The following IQSEC1 variants were observed in gnomAD, a reference collection of about 807,000 sequenced individuals.
The protein encoded by IQSEC1 is IQ motif and Sec7 domain ArfGEF 1, also known as IQ motif and SEC7 domain-containing protein 1.
In IQSEC1, 31 loss-of-function variants were observed where a neutral mutation model predicts 91.0. The ratio of observed to expected loss-of-function variants is 0.34; its 90% confidence interval spans 0.26 to 0.46. The LOEUF is 0.46. Ranked by LOEUF, IQSEC1 falls within the 20% of genes least tolerant of loss-of-function variation. The probability of loss-of-function intolerance (pLI) is 1.00; values close to 1 mark genes in which losing one functional copy is unlikely to be tolerated. For missense variants in IQSEC1, 1,388 were observed against 1,575.6 expected (o/e 0.88, Z 2.02); for synonymous variants, 699 against 662.6 (o/e 1.05, Z -0.84).
At chr3:13,130,298 T>C (rs1249770114) in intron 2 of IQSEC1, among the ~76,000 whole-genome samples, 2 of 144,086 alleles carry the variant, frequency 1.4e-5, no homozygotes, top group Non-Finnish European at 3.0e-5. Context: ...GAACCGAGAT[T>C]GTGCCACTGC....
intron 2 of IQSEC1, among the ~76,000 whole-genome samples, chr3:13,116,100 T>C (rs1706329636): frequency 6.6e-6 from 1 of 152,238 alleles, no homozygotes; most frequent in South Asian, 2.1e-4. Context: ...TTGTTGCTAC[T>C]TTATCCCTGG....
At chr3:12,921,751 A>G (rs899695706) in intron 5 of IQSEC1, among the ~76,000 whole-genome samples, 1 of 152,250 alleles carries the variant, frequency 6.6e-6, no homozygotes, top group Non-Finnish European at 1.5e-5. Context: ...ATGACTAGAT[A>G]GATGGACTTG....
At chr3:13,009,150 A>G (rs1248202954) in intron 1 of IQSEC1, among the ~76,000 whole-genome samples, 1 of 152,198 alleles carries the variant, frequency 6.6e-6, no homozygotes, top group Non-Finnish European at 1.5e-5. Flanking sequence ...AGGTTTGTTC[A>G]TGTGCCTGCT....
At position 12,909,511 on chromosome 3, in the gene IQSEC1, C is replaced by T; in HGVS notation, c.2417-77G>A. 7.0e-7 allele frequency: 1 copy of T among 1,426,808 alleles called. No individual in the cohort carries two copies. Among genetic ancestry groups the T allele is most frequent in the Non-Finnish European group, 9.7e-7 (1 of 1,029,696 alleles). The allele number at this position is 1,426,808 out of a possible 1,614,324, so 88.4% of individuals were successfully genotyped here. ...TGCAATCTCCTCTCTGGTCAGGAAA[C>T]AATGGTAGGGCTGAGTTGTGCGTGA... On this transcript the variant is annotated intron_variant, in intron 10 of 13. Coordinates refer to ENST00000613206, the MANE Select transcript of IQSEC1 (RefSeq NM_001134382.3). The surrounding 1 kb of genome is among the most constrained non-coding windows in gnomAD (Gnocchi z 4.9).
intron 2 of IQSEC1, among the ~76,000 whole-genome samples, chr3:12,941,011 G>A (rs1340244390): frequency 1.3e-5 from 2 of 152,226 alleles, no homozygotes; most frequent in Non-Finnish European, 2.9e-5. Flanking sequence ...GGGGAGGGGT[G>A]CAGTCTTCAA....
At chr3:13,074,222 G>C (rs888738680), upstream of IQSEC1, among the ~76,000 whole-genome samples, 11 of 152,212 alleles carry the variant, frequency 7.2e-5, no homozygotes, top group African/African-American at 2.7e-4. Context: ...TGGTCGGGAA[G>C]GCCCTCTGTG....
In IQSEC1 at chr3:13,282,225, G is replaced by C. The variant is rs1379504985; in HGVS notation, c.272+486C>G. ...CGCGTCCCGGACTGGACACAGCGCA[G>C]AGTCCATTCCAGGGACACCGCAACC... On this transcript the variant is annotated intron_variant, in intron 1 of 15. Coordinates refer to the IQSEC1 transcript ENST00000648114. The surrounding 1 kb of genome is among the most constrained non-coding windows in gnomAD (Gnocchi z 6.4). 6.6e-6 allele frequency among the ~76,000 whole-genome samples: 1 copy of C among 152,232 alleles called. No homozygotes were observed. The highest frequency in any genetic ancestry group is 6.5e-5 in the Admixed American group (1 of 15,290).
At position 12,897,083 on chromosome 3, in the gene IQSEC1, T is replaced by C. The variant is rs1693722363; in HGVS notation, c.*3900A>G. ...CCCTTTATTTTAAATTTTGTATCAG[T>C]GTCCTCAGTCAGTCCAATGTCTTCA... On this transcript the variant is annotated 3_prime_UTR_variant, in exon 14 of 14. Coordinates refer to ENST00000613206, the MANE Select transcript of IQSEC1 (RefSeq NM_001134382.3). 6.6e-6 allele frequency: 1 copy of C among 152,248 alleles called. No individual in the cohort carries two copies. The highest frequency in any genetic ancestry group is 1.5e-5 in the Non-Finnish European group (1 of 68,046). The allele number at this position is 152,248 out of a possible 1,614,324, so 9.4% of individuals were successfully genotyped here. A position where few individuals can be genotyped will look rare whatever the true frequency, so the allele number is the denominator to read the frequency against.
chr3:13,136,121 G>A (rs1309096040), intron 2 of IQSEC1, among the ~76,000 whole-genome samples: 4 of 152,200 alleles, frequency 2.6e-5, no homozygotes, highest in Non-Finnish European at 4.4e-5. Flanking sequence ...AAGCAGGGGA[G>A]GGAGAAGACA....
At chr3:13,156,796 C>A (rs1198444151) in intron 2 of IQSEC1, among the ~76,000 whole-genome samples, 1 of 152,162 alleles carries the variant, frequency 6.6e-6, no homozygotes, top group African/African-American at 2.4e-5. Context: ...GGGGATTGGA[C>A]TGAGGAGAAC....
Position 12,900,493 on chromosome 3 carries a change from AG to A in IQSEC1, c.*489del, listed in dbSNP as rs1694140192. On this transcript the variant is annotated 3_prime_UTR_variant, in exon 14 of 14. Coordinates refer to ENST00000613206, the MANE Select transcript of IQSEC1 (RefSeq NM_001134382.3). ...TTTATATATTTATATATTTATATAA[AG>A]TTTACTTACGTATTTTCATCAACCA... 2.5e-6 allele frequency: 2 copies of A among 801,268 alleles called. No homozygotes were observed. The highest frequency in any genetic ancestry group is 5.7e-5 in the South Asian group (1 of 17,586). The allele number at this position is 801,268 out of a possible 1,614,324, so 49.6% of individuals were successfully genotyped here. A position where few individuals can be genotyped will look rare whatever the true frequency, so the allele number is the denominator to read the frequency against.
chr3:13,057,313 G>A (rs1207588754), intron 1 of IQSEC1, among the ~76,000 whole-genome samples: 1 of 152,172 alleles, frequency 6.6e-6, no homozygotes, highest in Non-Finnish European at 1.5e-5. Context: ...CAGTGGTGGG[G>A]GACACAGCGT....
chr3:13,265,883 G>A (rs1178025029), intron 1 of IQSEC1, among the ~76,000 whole-genome samples: 8 of 128,352 alleles, frequency 6.2e-5, no homozygotes, highest in African/African-American at 1.3e-4. Context: ...TCTGCTCTAC[G>A]GGCATTTAAA....
intron 2 of IQSEC1, among the ~76,000 whole-genome samples, chr3:13,087,854 C>A (rs769196118): frequency 6.6e-6 from 1 of 152,174 alleles, no homozygotes; most frequent in Non-Finnish European, 1.5e-5. Flanking sequence ...AAGAGCACTA[C>A]GGAGGGATGG....
chr3:13,234,716 C>T (rs1429234545), intron 1 of IQSEC1, among the ~76,000 whole-genome samples: 1 of 152,180 alleles, frequency 6.6e-6, no homozygotes, highest in East Asian at 1.9e-4. Flanking sequence ...GGATTTTCTT[C>T]CCTTTCCCTC....
intron 1 of IQSEC1, among the ~76,000 whole-genome samples, chr3:13,002,088 A>G (rs1294300434): frequency 6.6e-6 from 1 of 152,080 alleles, no homozygotes; most frequent in African/African-American, 2.4e-5. Flanking sequence ...AAACAAACAA[A>G]CAACAACAAC....
chr3:13,175,151 A>T (rs1400037418), intron 1 of IQSEC1, among the ~76,000 whole-genome samples: 1 of 151,938 alleles, frequency 6.6e-6, no homozygotes. Context: ...TACTCCAACC[A>T]CTGCTGAGCT....
chr3:13,081,521 G>A (rs909025564), intron 2 of IQSEC1, among the ~76,000 whole-genome samples: 1 of 152,104 alleles, frequency 6.6e-6, no homozygotes, highest in South Asian at 2.1e-4. Context: ...CTCCCACCTC[G>A]GCCTCCCAAA....
Position 13,207,954 on chromosome 3 carries a change from A to G in IQSEC1, c.273-43821T>C, listed in dbSNP as rs1023335098. Reference sequence around the variant, plus strand: ...CACTACAGAACCCCCAGCATGGCACATAGCAGTTGCTCAACAAATGCATCT... The same window carrying G: ...CACTACAGAACCCCCAGCATGGCACGTAGCAGTTGCTCAACAAATGCATCT... On this transcript the variant is annotated intron_variant, in intron 1 of 15. Transcript: ENST00000648114. This position sits in a 1 kb window ranked among gnomAD's most constrained non-coding sequence, Gnocchi z 4.8. Among the ~76,000 whole-genome samples, 1 of 152,196 alleles carries G rather than the reference A, an allele frequency of 6.6e-6. No homozygotes were observed. Among genetic ancestry groups the G allele is most frequent in the South Asian group, 2.1e-4 (1 of 4,826 alleles).
Sources: gnomAD v4.1 joint callset for allele counts (sites outside exome capture counted in the v4.1 genomes callset) on GRCh38, gnomAD v4.1.1 for gene constraint, Gnocchi (gnomAD v3.1) non-coding constraint, MANE v1.5 for transcripts, NCBI Gene and HGNC (gene_info 2026-07-23, HGNC 2026-07-21) for gene names.